Variants in PTGER2 observed in about 807,000 individuals in gnomAD.
The protein encoded by PTGER2 is prostaglandin E receptor 2, also known as prostaglandin E2 receptor EP2 subtype.
PTGER2 carries 22 observed loss-of-function variants against 26.2 expected under a neutral mutation model. The observed-to-expected ratio is 0.84, with a 90% CI of 0.60 to 1.20. The LOEUF is 1.20. Ranked by LOEUF, PTGER2 falls within the 50% of genes most tolerant of loss-of-function variation. PTGER2 has a pLI of 0.00. For synonymous variants in PTGER2, 219 were observed against 208.9 expected (o/e 1.05, Z -0.42); for missense variants, 458 against 475.2 (o/e 0.96, Z 0.34).
At chr14:52,324,597 GA>G (rs1483102425) in intron 1 of PTGER2, among the ~76,000 whole-genome samples, 5 of 152,116 alleles carry the variant, frequency 3.3e-5, no homozygotes, top group Non-Finnish European at 7.4e-5. Flanking sequence ...GCAGAAAAGT[GA>G]AAATATAAAC....
rs1417333554 is a variant in PTGER2 at position 52,327,375 on chromosome 14, G to A, written c.998G>A (p.Arg333Gln). 20 of 1,613,612 alleles carry A rather than the reference G, an allele frequency of 1.2e-5. No homozygotes were observed. Among genetic ancestry groups the A allele is most frequent in the Middle Eastern group, 1.6e-4 (1 of 6,084 alleles). The change falls in exon 2 of 2, where the codon CGG becomes CAG. Residue 333 changes from arginine to glutamine, a missense_variant. Arg to Gln is a conservative substitution (Grantham distance 43). Transcript: ENST00000245457. ...LRLMRSVLCCRISLRTQDATQ... is the reference protein window; with the variant it reads ...LRLMRSVLCCQISLRTQDATQ... ...CTAATGCGTTCAGTCCTCTGTTGTC[G>A]GATTTCATTAAGAACACAAGATGCA...
chr14:52,322,080 G>A (rs1159452507), intron 1 of PTGER2, among the ~76,000 whole-genome samples: 1 of 152,188 alleles, frequency 6.6e-6, no homozygotes, highest in Non-Finnish European at 1.5e-5. Flanking sequence ...GACTAATTAA[G>A]TTGGAGTCTC....
intron 1 of PTGER2, among the ~76,000 whole-genome samples, chr14:52,323,257 G>C (rs1566496833): frequency 1.3e-5 from 2 of 148,246 alleles, no homozygotes. Flanking sequence ...GTGTATGTAT[G>C]TATGTATTTA....
chr14:52,324,741 C>A (rs1174261713), intron 1 of PTGER2, among the ~76,000 whole-genome samples: 1 of 152,036 alleles, frequency 6.6e-6, no homozygotes, highest in African/African-American at 2.4e-5. Flanking sequence ...ATATAGTAAT[C>A]TAGGCAAAAG....
rs2033813604 is a variant in PTGER2 at position 52,314,627 on chromosome 14, A to G, written c.79A>G (p.Ile27Val). The G allele has an allele frequency of 6.6e-7, 1 of 1,512,472 alleles. No homozygotes were observed. The highest frequency in any genetic ancestry group is 8.8e-7 in the Non-Finnish European group (1 of 1,130,166). 93.7% of individuals were successfully genotyped at this position (1,512,472 alleles called of 1,614,324 possible). The change falls in exon 1 of 2, where the codon ATC (isoleucine) becomes GTC (valine). Residue 27 changes from isoleucine to valine, a missense_variant. Ile to Val is a conservative substitution (Grantham distance 29, BLOSUM62 3). Coordinates refer to ENST00000245457, the MANE Select transcript of PTGER2 (RefSeq NM_000956.4). This position sits in a 1 kb window ranked among gnomAD's most constrained non-coding sequence, Gnocchi z 5.7. ...GCTTCCCCCAGGCGAAAGCCCAGCC[A>G]TCAGCTCCGTCATGTTCTCGGCCGG... is the stretch of plus-strand genomic sequence containing the variant. ...QWLPPGESPA[I>V]SSVMFSAGVL...
At chr14:52,316,025 T>C (rs1040167565) in intron 1 of PTGER2, among the ~76,000 whole-genome samples, 1 of 152,272 alleles carries the variant, frequency 6.6e-6, no homozygotes, top group African/African-American at 2.4e-5. Context: ...AATGTAACTC[T>C]TTGTGGCCAT....
chr14:52,318,406 C>G (rs45556633), intron 1 of PTGER2, among the ~76,000 whole-genome samples: 2,291 of 152,298 alleles, frequency 0.015, 29 homozygotes, highest in South Asian at 0.042. Flanking sequence ...AATTGAATTA[C>G]ATATTTTATT....
rs1166712090 is a variant in PTGER2 at position 52,314,427 on chromosome 14, GC to G, written c.-121del. The G allele has an allele frequency of 3.9e-5, 45 of 1,162,852 alleles. No individual in the cohort carries two copies. The highest frequency in any genetic ancestry group is 3.2e-5 in the Non-Finnish European group (29 of 901,854). 72.0% of individuals were successfully genotyped at this position (1,162,852 alleles called of 1,614,324 possible). ...TCGGCGCGCTGGGTGCGGGAAGGGG[GC>G]TCTGGATTTCGGTCCCTCCCCTTTT... On this transcript the variant is annotated 5_prime_UTR_variant, in exon 1 of 2. An upstream open reading frame in the 5' UTR gains an earlier in-frame stop. Transcript: ENST00000245457. This position sits in a 1 kb window ranked among gnomAD's most constrained non-coding sequence, Gnocchi z 5.7.
chr14:52,323,330 T>C (rs755408862), intron 1 of PTGER2, among the ~76,000 whole-genome samples: 1 of 152,200 alleles, frequency 6.6e-6, no homozygotes, highest in African/African-American at 2.4e-5. Context: ...CTCAGCTTAC[T>C]ACAACCTCTG....
Position 52,314,952 on chromosome 14 carries a change from A to G in PTGER2, c.404A>G (p.Tyr135Cys). The change falls in exon 1 of 2, where the codon TAC (tyrosine) becomes TGC (cysteine). Residue 135 changes from tyrosine (Y) to cysteine (C), a missense_variant. Transcript: ENST00000245457. This position sits in a 1 kb window ranked among gnomAD's most constrained non-coding sequence, Gnocchi z 5.7. ...CTCTTCGCCATGGCCCTGGAGCGCT[A>G]CCTCTCGATCGGGCACCCCTACTTC... ...LMLFAMALER[Y>C]LSIGHPYFYQ... 6.2e-7 allele frequency: 1 copy of G among 1,612,848 alleles called. No individual in the cohort carries two copies. Among genetic ancestry groups the G allele is most frequent in the Non-Finnish European group, 8.5e-7 (1 of 1,179,862 alleles).
chr14:52,315,064 G>C lies in PTGER2; in HGVS notation c.516G>C (p.Leu172=). The C allele has an allele frequency of 6.2e-7, 1 of 1,612,408 alleles. No homozygotes were observed. Among genetic ancestry groups the C allele is most frequent in the South Asian group, 1.1e-5 (1 of 91,074 alleles). The change falls in exon 1 of 2, where the codon CTG becomes CTC. Residue 172 remains leucine (L), a synonymous_variant. Transcript: ENST00000245457. ...CCCTGCTCTTCTGCTCGCTGCCGCT[G>C]CTGGACTATGGGCAGTACGTCCAGT... ...AVSLLFCSLP[L]LDYGQYVQYC...
rs144210519 is a variant in PTGER2, at chr14:52,327,268, C to T, written c.891C>T (p.Asp297=). 5.3e-5 allele frequency: 85 copies of T among 1,613,358 alleles called. No homozygotes were observed. The African/African-American group carries it at 1.1e-3, about 20-fold the overall frequency. ...CCTCTTCCCGAAAGGAAAAATGGGACCTCCAAGCTCTTAGGTTTTTATCAA... is the reference window on the plus strand; with the variant it reads ...CCTCTTCCCGAAAGGAAAAATGGGATCTCCAAGCTCTTAGGTTTTTATCAA... ...NETSSRKEKW[D]LQALRFLSIN... is the part of the protein sequence containing the mutation. Residue 297 remains aspartate, a synonymous_variant, in exon 2 of 2, where the codon GAC becomes GAT. Transcript: ENST00000245457.
chr14:52,324,240 C>T (rs2033926184), intron 1 of PTGER2, among the ~76,000 whole-genome samples: 1 of 152,198 alleles, frequency 6.6e-6, no homozygotes, highest in African/African-American at 2.4e-5. Flanking sequence ...CGGTTTCAGT[C>T]AGGAGGCAGA....
Position 52,314,519 on chromosome 14 carries a change from A to T in PTGER2, c.-30A>T. 6.9e-7 allele frequency: 1 copy of T among 1,458,360 alleles called. No homozygotes were observed. The highest frequency in any genetic ancestry group is 9.0e-7 in the Non-Finnish European group (1 of 1,105,566). 90.3% of individuals were successfully genotyped at this position (1,458,360 alleles called of 1,614,324 possible). A position where few individuals can be genotyped will look rare whatever the true frequency, so the allele number is the denominator to read the frequency against. On this transcript the variant is annotated 5_prime_UTR_variant, in exon 1 of 2. Coordinates refer to ENST00000245457, the MANE Select transcript of PTGER2 (RefSeq NM_000956.4). The surrounding 1 kb of genome is among the most constrained non-coding windows in gnomAD (Gnocchi z 5.7). ...CCTCCCAGGTAAAGGCCGGGAGAGG[A>T]GGGCGCATCTCTTTTCCAGGCACCC...
At chr14:52,318,934 G>C (rs999208677) in intron 1 of PTGER2, among the ~76,000 whole-genome samples, 1 of 152,124 alleles carries the variant, frequency 6.6e-6, no homozygotes, top group African/African-American at 2.4e-5. Context: ...TCACAGCACC[G>C]TAGGAAATAG....
intron 1 of PTGER2, among the ~76,000 whole-genome samples, chr14:52,319,315 C>G (rs1013087222): frequency 6.6e-6 from 1 of 152,196 alleles, no homozygotes; most frequent in African/African-American, 2.4e-5. Context: ...GGCTGAGACT[C>G]AGATTCTAGG....
Position 52,327,526 on chromosome 14 carries a change from G to C in PTGER2, c.*72G>C. ...TTTTGAAATTGTTCCTTGGAGAAAT[G>C]AAAACAGTGTGTAAACAAAATGAAG... On this transcript the variant is annotated 3_prime_UTR_variant, in exon 2 of 2. Transcript: ENST00000245457. The C allele has an allele frequency of 8.1e-7, 1 of 1,238,180 alleles. No individual in the cohort carries two copies. Among genetic ancestry groups the C allele is most frequent in the African/African-American group, 1.5e-5 (1 of 66,314 alleles). 76.7% of individuals were successfully genotyped at this position (1,238,180 alleles called of 1,614,324 possible).
intron 1 of PTGER2, among the ~76,000 whole-genome samples, chr14:52,319,775 G>A (rs1190292555): frequency 6.6e-6 from 1 of 152,144 alleles, no homozygotes; most frequent in Non-Finnish European, 1.5e-5. Context: ...AGGATAAAGT[G>A]CTTATGTATT....
chr14:52,327,716 C>A lies in PTGER2; in HGVS notation c.*262C>A, dbSNP rs1594640375. ...ACAATCGGCTGCATTGAAGATCCAGCTGCCTATTGATTTAAGCTTTCCTGT... is the reference window on the plus strand; with the variant it reads ...ACAATCGGCTGCATTGAAGATCCAGATGCCTATTGATTTAAGCTTTCCTGT... On this transcript the variant is annotated 3_prime_UTR_variant, in exon 2 of 2. Transcript: ENST00000245457. 6 of 398,892 alleles carry A rather than the reference C, an allele frequency of 1.5e-5. No homozygotes were observed. In the East Asian group the frequency reaches 2.5e-4, roughly 17 times the overall value. The allele number at this position is 398,892 out of a possible 1,614,324, so 24.7% of individuals were successfully genotyped here.
Sources: gnomAD v4.1 joint callset for allele counts (sites outside exome capture counted in the v4.1 genomes callset) on GRCh38, gnomAD v4.1.1 for gene constraint, Gnocchi (gnomAD v3.1) non-coding constraint, MANE v1.5 for transcripts, NCBI Gene and HGNC (gene_info 2026-07-23, HGNC 2026-07-21) for gene names.